PCOLCE2: variants seen among roughly 807,000 people sequenced by gnomAD.
PCOLCE2 encodes the protein procollagen C-endopeptidase enhancer 2, also known as procollagen C-proteinase enhancer 2.
Under a neutral mutation model 47.0 loss-of-function variants are expected in PCOLCE2, and 42 were observed. The observed-to-expected ratio is 0.89, with a 90% CI of 0.70 to 1.16. The LOEUF (loss-of-function observed/expected upper bound fraction) is 1.16, where lower values mean the gene tolerates loss of function less well. Among genes scored for constraint, PCOLCE2 ranks in the 50% most tolerant of loss-of-function variants. The pLI, the probability that PCOLCE2 is intolerant of heterozygous loss-of-function variation, is 0.00. For missense variants in PCOLCE2, 500 were observed against 526.1 expected (o/e 0.95, Z 0.49); for synonymous variants, 169 against 191.7 (o/e 0.88, Z 0.98).
intron 6 of PCOLCE2, among the ~76,000 whole-genome samples, chr3:142,825,224 G>A (rs528329783): frequency 6.6e-6 from 1 of 152,224 alleles, no homozygotes; most frequent in East Asian, 1.9e-4. Context: ...GGCCCATTGG[G>A]AACCGGCTGC....
chr3:142,820,768 G>T (rs1937003548), intron 8 of PCOLCE2, 110 bp downstream of exon 8: 23 of 881,574 alleles, frequency 2.6e-5, no homozygotes, highest in Non-Finnish European at 4.0e-5. Context: ...AGGCCTTCCT[G>T]CTCTGCAAGA....
chr3:142,888,881 C>T lies in PCOLCE2; in HGVS notation c.16G>A (p.Ala6Thr), dbSNP rs764665094. Residue 6 changes from alanine (A) to threonine (T), a missense_variant, in exon 1 of 9, where the codon GCC becomes ACC. Physicochemically the swap from Ala to Thr is moderately conservative, Grantham distance 58. Transcript: ENST00000295992. The stretch of plus-strand genomic sequence containing the variant: ...AGCAGCAGGCAGAGTGGCGCCCAGG[C>T]GTTCGCGCCCCTCATGGCAGCGTAG... MRGAN[A>T]WAPLCLLLAA... 4.5e-5 allele frequency: 68 copies of T among 1,522,772 alleles called. No homozygotes were observed. The highest frequency in any genetic ancestry group is 5.8e-5 in the Non-Finnish European group (66 of 1,138,444). 94.3% of individuals were successfully genotyped at this position (1,522,772 alleles called of 1,614,324 possible).
intron 2 of PCOLCE2, among the ~76,000 whole-genome samples, chr3:142,859,154 C>T (rs888915777): frequency 3.9e-5 from 6 of 151,946 alleles, no homozygotes; most frequent in African/African-American, 1.5e-4. Flanking sequence ...CCTCCTCCTC[C>T]TGGGTTCAAA....
chr3:142,880,848 T>G (rs925771033), intron 2 of PCOLCE2, among the ~76,000 whole-genome samples: 5 of 152,220 alleles, frequency 3.3e-5, no homozygotes, highest in African/African-American at 1.2e-4. Context: ...AAGGATACAG[T>G]AACAACTTAT....
chr3:142,857,609 C>A (rs1560137061), intron 2 of PCOLCE2, among the ~76,000 whole-genome samples: 1 of 152,108 alleles, frequency 6.6e-6, no homozygotes, highest in Non-Finnish European at 1.5e-5. Flanking sequence ...AAATCCATGA[C>A]AAACTGTAAA....
At chr3:142,827,061 TGGCATAAA>T in intron 6 of PCOLCE2, 1 of 1,114,926 alleles carries the variant, frequency 9.0e-7, no homozygotes, top group Admixed American at 1.8e-5. Context: ...TACTTTTTTT[TGGCATAAA>T]GACAAACTTT....
At chr3:142,835,288 C>T (rs1458574868) in intron 5 of PCOLCE2, among the ~76,000 whole-genome samples, 2 of 152,106 alleles carry the variant, frequency 1.3e-5, no homozygotes, top group African/African-American at 2.4e-5. Flanking sequence ...TAAAATTTTA[C>T]AATTATTACA....
intron 2 of PCOLCE2, 160 bp downstream of exon 2, chr3:142,887,509 T>C (rs1933738077): frequency 1.7e-6 from 1 of 599,026 alleles, no homozygotes; most frequent in Non-Finnish European, 3.0e-6. Context: ...AGATCTATTA[T>C]ATTAATAAAA....
At chr3:142,870,008 T>C (rs1158828652) in intron 2 of PCOLCE2, among the ~76,000 whole-genome samples, 2 of 152,192 alleles carry the variant, frequency 1.3e-5, no homozygotes, top group East Asian at 3.8e-4. Flanking sequence ...TTTTAAAAAA[T>C]TAAAATTTAC....
chr3:142,820,505 G>A (rs1189449400), intron 8 of PCOLCE2, among the ~76,000 whole-genome samples: 1 of 152,032 alleles, frequency 6.6e-6, no homozygotes, highest in Admixed American at 6.6e-5. Flanking sequence ...ATTCTAGCCC[G>A]GATATACCTC....
chr3:142,853,039 A>G (rs1932981941), intron 2 of PCOLCE2, among the ~76,000 whole-genome samples: 2 of 151,304 alleles, frequency 1.3e-5, no homozygotes, highest in Non-Finnish European at 2.9e-5. Context: ...CTGGGACATC[A>G]AAGCTCCAAT....
intron 2 of PCOLCE2, among the ~76,000 whole-genome samples, chr3:142,867,255 C>T (rs542450460): frequency 2.0e-5 from 3 of 152,240 alleles, no homozygotes; most frequent in African/African-American, 7.2e-5. Context: ...ATCCACTCCA[C>T]GAGTGTGTCC....
intron 6 of PCOLCE2, 75 bp downstream of exon 6, chr3:142,829,613 CTTAT>C: frequency 9.2e-7 from 1 of 1,081,658 alleles, no homozygotes; most frequent in East Asian, 2.5e-5. Context: ...GTATCTTCCT[CTTAT>C]TTTTTTTCTA....
At chr3:142,877,834 C>T (rs77621313) in intron 2 of PCOLCE2, among the ~76,000 whole-genome samples, 2,476 of 152,302 alleles carry the variant, frequency 0.016, 29 homozygotes, top group South Asian at 0.033. Context: ...CTCCTTACCT[C>T]GCCCAGCCCC....
chr3:142,858,091 C>G (rs1020048384), intron 2 of PCOLCE2, among the ~76,000 whole-genome samples: 2 of 152,192 alleles, frequency 1.3e-5, no homozygotes, highest in Admixed American at 1.3e-4. Flanking sequence ...AGGAACTCAT[C>G]CTCTCCCATC....
At chr3:142,841,012 T>C (rs1578035164) in intron 4 of PCOLCE2, among the ~76,000 whole-genome samples, 1 of 151,188 alleles carries the variant, frequency 6.6e-6, no homozygotes, top group Non-Finnish European at 1.5e-5. Context: ...GAGGTGGAAG[T>C]TGCAGTGAGC....
intron 2 of PCOLCE2, among the ~76,000 whole-genome samples, chr3:142,862,184 C>T (rs1243618502): frequency 6.6e-6 from 1 of 152,136 alleles, no homozygotes; most frequent in Admixed American, 6.5e-5. Context: ...AGGAGGGAAC[C>T]TGTAGGGTTA....
intron 2 of PCOLCE2, among the ~76,000 whole-genome samples, chr3:142,866,804 TTTC>T (rs1933291882): frequency 6.6e-6 from 1 of 152,200 alleles, no homozygotes; most frequent in African/African-American, 2.4e-5. Context: ...CCCCAAAACA[TTTC>T]TTTTCTAACA....
At chr3:142,855,414 G>A (rs1427065030) in intron 2 of PCOLCE2, among the ~76,000 whole-genome samples, 1 of 152,142 alleles carries the variant, frequency 6.6e-6, no homozygotes, top group Non-Finnish European at 1.5e-5. Context: ...CACAAGTACA[G>A]GGCAAGTATT....
Sources: allele counts gnomAD v4.1 joint callset (sites outside exome capture counted in the v4.1 genomes callset), GRCh38; gene constraint gnomAD v4.1.1; transcripts MANE v1.5; gene names NCBI Gene and HGNC (gene_info 2026-07-23, HGNC 2026-07-21).